The following PHF24 variants were observed in gnomAD, a reference collection of about 807,000 sequenced individuals.
PHF24 encodes the protein Galpha inhibitory interacting protein.
In PHF24, 25 loss-of-function variants were observed where a neutral mutation model predicts 42.6. The observed-to-expected ratio is 0.59, with a 90% CI of 0.43 to 0.82. The LOEUF (loss-of-function observed/expected upper bound fraction) is 0.82, where lower values mean the gene tolerates loss of function less well. PHF24 is among the 40% of genes least tolerant of loss of function. The pLI is 0.00. For synonymous variants in PHF24, 185 were observed against 204.8 expected, an observed-to-expected ratio of 0.90 and a Z score of 0.83; for missense variants, 470 against 538.1, an observed-to-expected ratio of 0.87 and a Z score of 1.25.
chr9:34,764,947 T>C, the PHF24 span, among the ~76,000 whole-genome samples: 22 of 152,016 alleles, frequency 1.4e-4, no homozygotes, highest in African/African-American at 5.1e-4. Context: ...CTGCCTTCAT[T>C]TCGTTATGTA....
chr9:34,901,011 A>G, the PHF24 span, among the ~76,000 whole-genome samples: 2 of 152,236 alleles, frequency 1.3e-5, no homozygotes, highest in Non-Finnish European at 1.5e-5. Context: ...GACACAAACT[A>G]TCAAAACTTA....
chr9:34,947,342 C>T, the PHF24 span, among the ~76,000 whole-genome samples: 2 of 152,276 alleles, frequency 1.3e-5, no homozygotes, highest in South Asian at 4.1e-4. Flanking sequence ...ACACTATAGC[C>T]ACTGTAAGTC....
At chr9:34,819,838 A>T in the PHF24 span, among the ~76,000 whole-genome samples, 3 of 152,182 alleles carry the variant, frequency 2.0e-5, no homozygotes, top group African/African-American at 7.2e-5. Flanking sequence ...TATTGTTCAA[A>T]TCTTCTGTAA....
the PHF24 span, among the ~76,000 whole-genome samples, chr9:34,737,713 G>A: frequency 1.3e-5 from 2 of 152,106 alleles, no homozygotes; most frequent in Non-Finnish European, 2.9e-5. Flanking sequence ...AGAACACTGC[G>A]ATTCCCAGTT....
chr9:34,781,787 T>C, the PHF24 span, among the ~76,000 whole-genome samples: 5 of 151,788 alleles, frequency 3.3e-5, no homozygotes, highest in African/African-American at 4.8e-5. Context: ...TCATTTTCTG[T>C]AGGGGGAGAA....
At chr9:34,886,556 A>G in the PHF24 span, among the ~76,000 whole-genome samples, 1 of 152,148 alleles carries the variant, frequency 6.6e-6, no homozygotes, top group South Asian at 2.1e-4. Context: ...CTTGGCTTCC[A>G]GTATGACACT....
the PHF24 span, among the ~76,000 whole-genome samples, chr9:34,885,955 C>T: frequency 6.6e-6 from 1 of 151,982 alleles, no homozygotes; most frequent in South Asian, 2.1e-4. Flanking sequence ...TACCCATGGT[C>T]CCTTCCTAGC....
At chr9:34,977,876 T>C in intron 7 of PHF24, 139 bp from the exon 8 acceptor site, 2 of 788,832 alleles carry the variant, frequency 2.5e-6, no homozygotes, top group Middle Eastern at 2.3e-4. Flanking sequence ...CTGAGTTTTG[T>C]GTAGCTCAAG....
At chr9:34,724,582 A>G in the PHF24 span, 2 of 1,538,934 alleles carry the variant, frequency 1.3e-6, no homozygotes, top group Middle Eastern at 1.7e-4. Context: ...TGGTCAAGAT[A>G]TGTGTCTGGA....
At chr9:34,688,636 C>CCT in the PHF24 span, among the ~76,000 whole-genome samples, 1 of 152,154 alleles carries the variant, frequency 6.6e-6, no homozygotes, top group Non-Finnish European at 1.5e-5. Flanking sequence ...GTCTGTCTGT[C>CCT]GGTGTCCCTG....
chr9:34,696,426 T>C, the PHF24 span, among the ~76,000 whole-genome samples: 1 of 146,650 alleles, frequency 6.8e-6, no homozygotes, highest in Non-Finnish European at 1.5e-5. Flanking sequence ...AGACAGAAGT[T>C]GCGGTGTGCA....
At chr9:34,833,107 C>G in the PHF24 span, 1 of 1,551,480 alleles carries the variant, frequency 6.4e-7, no homozygotes, top group South Asian at 1.2e-5. Context: ...GCCCAAACCC[C>G]GCATCCCCTT....
the PHF24 span, among the ~76,000 whole-genome samples, chr9:34,731,379 C>A: frequency 1.7e-4 from 26 of 152,108 alleles, no homozygotes; most frequent in African/African-American, 6.0e-4. Context: ...CTTATTTATT[C>A]TATCTAATTA....
the PHF24 span, among the ~76,000 whole-genome samples, chr9:34,909,589 T>C: frequency 1.3e-5 from 2 of 152,110 alleles, no homozygotes; most frequent in South Asian, 4.1e-4. Flanking sequence ...CTTTGTTCTT[T>C]TGAGAGGTAC....
At chr9:34,788,252 A>G in the PHF24 span, among the ~76,000 whole-genome samples, 1 of 152,170 alleles carries the variant, frequency 6.6e-6, no homozygotes, top group Non-Finnish European at 1.5e-5. Context: ...TATGTTGCCC[A>G]GTCTGGTCTT....
chr9:34,976,940 G>T (rs567325241), intron 5 of PHF24, 143 bp from the exon 6 acceptor site: 5 of 996,810 alleles, frequency 5.0e-6, no homozygotes, highest in South Asian at 1.7e-5. Flanking sequence ...GCCCTGGGCC[G>T]CACTGGAAGT....
In PHF24 at chr9:34,978,012, C is replaced by T. The variant is rs759478566; in HGVS notation, c.1107-3C>T. 2.5e-6 allele frequency: 4 copies of T among 1,612,186 alleles called. No individual in the cohort carries two copies. Among genetic ancestry groups the T allele is most frequent in the Non-Finnish European group, 3.4e-6 (4 of 1,178,334 alleles). ...ACGACTCTGTTCTTTGCTTCCACTC[C>T]AGATTTGTGGACTGGCCTACCTTCC... On this transcript the variant is annotated splice_polypyrimidine_tract_variant and splice_region_variant and intron_variant, in intron 7 of 7. Coordinates refer to ENST00000242315, the Ensembl canonical transcript of PHF24.
chr9:34,873,286 A>T, the PHF24 span, among the ~76,000 whole-genome samples: 1 of 152,018 alleles, frequency 6.6e-6, no homozygotes, highest in Non-Finnish European at 1.5e-5. Context: ...GCCCATGCCT[A>T]TGTCCTGAAT....
At chr9:34,943,827 A>C in the PHF24 span, among the ~76,000 whole-genome samples, 1 of 152,210 alleles carries the variant, frequency 6.6e-6, no homozygotes, top group Non-Finnish European at 1.5e-5. Context: ...GAAGCTCATT[A>C]GTCCCATGGA....
Sources: gnomAD v4.1 joint callset for allele counts (sites outside exome capture counted in the v4.1 genomes callset) on GRCh38, gnomAD v4.1.1 for gene constraint, MANE v1.5 for transcripts, NCBI Gene and HGNC (gene_info 2026-07-23, HGNC 2026-07-21) for gene names.